The following CEP112 variants were observed in gnomAD, a reference collection of about 807,000 sequenced individuals.
CEP112 encodes centrosomal protein 112.
In CEP112, 127 loss-of-function variants were observed where a neutral mutation model predicts 153.0. The ratio of observed to expected loss-of-function variants is 0.83; its 90% CI spans 0.72 to 0.96. The LOEUF is 0.96. CEP112 is among the 40% of genes least tolerant of loss of function. The probability of loss-of-function intolerance (pLI) is 0.00; values close to 1 mark genes in which losing one functional copy is unlikely to be tolerated. For missense variants in CEP112, 1,089 were observed against 1,101.2 expected (o/e 0.99, Z 0.16); for synonymous variants, 358 against 374.4 (o/e 0.96, Z 0.51).
intron 12 of CEP112, among the ~76,000 whole-genome samples, chr17:66,035,497 G>C (rs2065699747): frequency 1.3e-5 from 2 of 152,110 alleles, no homozygotes; most frequent in Admixed American, 6.5e-5. Context: ...CTGCTGGTGA[G>C]AATGAAAAAT....
chr17:65,979,390 C>T (rs1443374611), intron 17 of CEP112, among the ~76,000 whole-genome samples: 3 of 151,908 alleles, frequency 2.0e-5, no homozygotes, highest in African/African-American at 4.8e-5. Flanking sequence ...CACACCTCTA[C>T]GCGGGTCTAT....
rs553934878 is a variant in CEP112, at chr17:65,983,097, T to C, written c.1737-21499A>G. ...ATGGGAATCCACTGCCTAATAAGTATAGGATTTTATTTGTGATGATGAAAG... is the reference window on the plus strand; with the variant it reads ...ATGGGAATCCACTGCCTAATAAGTACAGGATTTTATTTGTGATGATGAAAG... On this transcript the variant is annotated intron_variant, in intron 17 of 26. Coordinates refer to ENST00000535342, the MANE Select transcript of CEP112 (RefSeq NM_001199165.4). Among the ~76,000 whole-genome samples, 29 of 152,290 alleles carry C rather than the reference T, an allele frequency of 1.9e-4. 1 individual carries two copies. In the South Asian group the frequency reaches 5.6e-3, roughly 29 times the overall value.
chr17:65,737,127 T>G (rs1313340776), intron 23 of CEP112, among the ~76,000 whole-genome samples: 1 of 152,156 alleles, frequency 6.6e-6, no homozygotes, highest in Admixed American at 6.6e-5. Flanking sequence ...CAAGATTAGA[T>G]AGTAGATTGA....
At chr17:65,671,304 G>A (rs1239003993) in intron 24 of CEP112, among the ~76,000 whole-genome samples, 1 of 152,100 alleles carries the variant, frequency 6.6e-6, no homozygotes, top group Non-Finnish European at 1.5e-5. Flanking sequence ...ATCCATAAGG[G>A]GAGAAGTACC....
At chr17:65,741,261 A>AT (rs1254336209) in intron 23 of CEP112, among the ~76,000 whole-genome samples, 1 of 152,096 alleles carries the variant, frequency 6.6e-6, no homozygotes, top group African/African-American at 2.4e-5. Flanking sequence ...TATTCACAGT[A>AT]TTTTTTGTGA....
chr17:65,929,316 C>T (rs556634732), intron 18 of CEP112, among the ~76,000 whole-genome samples: 1 of 152,292 alleles, frequency 6.6e-6, no homozygotes, highest in African/African-American at 2.4e-5. Context: ...TCTCACAGCT[C>T]ATCTCTACTG....
At chr17:65,759,041 T>C (rs2052452783) in intron 21 of CEP112, among the ~76,000 whole-genome samples, 1 of 152,098 alleles carries the variant, frequency 6.6e-6, no homozygotes, top group Admixed American at 6.6e-5. Flanking sequence ...CAAGTTGCAG[T>C]AAAGAAGCCA....
intron 24 of CEP112, among the ~76,000 whole-genome samples, chr17:65,651,184 T>C (rs1048954582): frequency 9.9e-5 from 15 of 152,150 alleles, no homozygotes; most frequent in Non-Finnish European, 1.8e-4. Flanking sequence ...TGAGAACATA[T>C]GGTGTTTAGT....
intron 21 of CEP112, among the ~76,000 whole-genome samples, chr17:65,846,728 C>G (rs1247770082): frequency 2.6e-5 from 4 of 152,178 alleles, no homozygotes; most frequent in Non-Finnish European, 4.4e-5. Context: ...GCCACCACAC[C>G]TGGCTAATTT....
At chr17:65,804,282 G>A (rs1015648323) in intron 21 of CEP112, 2 of 151,856 alleles carry the variant, frequency 1.3e-5, no homozygotes, top group African/African-American at 4.8e-5. Flanking sequence ...AAAATTAGAT[G>A]AGCCGCTCAT....
At chr17:66,058,439 T>A (rs117693363) in intron 11 of CEP112, among the ~76,000 whole-genome samples, 4,339 of 152,190 alleles carry the variant, frequency 0.029, 107 homozygotes, top group South Asian at 0.047. Flanking sequence ...AAAAGCAATC[T>A]ATAGATTCAA....
intron 21 of CEP112, among the ~76,000 whole-genome samples, chr17:65,764,078 G>C (rs1163166313): frequency 6.6e-6 from 1 of 151,972 alleles, no homozygotes; most frequent in Non-Finnish European, 1.5e-5. Flanking sequence ...CAACCAGGAT[G>C]GTTCAAGAAT....
intron 23 of CEP112, among the ~76,000 whole-genome samples, chr17:65,724,901 C>T (rs145331397): frequency 3.3e-5 from 5 of 152,210 alleles, no homozygotes; most frequent in East Asian, 1.9e-4. Context: ...CAAGGCTGCC[C>T]GCTCCCCACT....
At chr17:65,892,790 T>C (rs1051343918) in intron 20 of CEP112, among the ~76,000 whole-genome samples, 2 of 152,170 alleles carry the variant, frequency 1.3e-5, no homozygotes. Flanking sequence ...CCTGTCAATG[T>C]CACTATAACT....
At chr17:66,184,294 C>CA (rs909380602) in intron 1 of CEP112, among the ~76,000 whole-genome samples, 34 of 150,242 alleles carry the variant, frequency 2.3e-4, no homozygotes, top group Admixed American at 4.6e-4. Context: ...TTGAACTTCA[C>CA]AAAAAAAAAC....
chr17:66,102,993 C>T (rs1386614358), intron 6 of CEP112, among the ~76,000 whole-genome samples: 3 of 151,184 alleles, frequency 2.0e-5, no homozygotes, highest in Non-Finnish European at 4.4e-5. Context: ...GGAGGCTGAG[C>T]TGGGCAGATC....
At chr17:66,075,694 G>A (rs545750929) in intron 8 of CEP112, among the ~76,000 whole-genome samples, 1 of 152,298 alleles carries the variant, frequency 6.6e-6, no homozygotes, top group South Asian at 2.1e-4. Context: ...TATGGTGGAT[G>A]AGAGGCATGA....
At chr17:66,053,663 A>G (rs1050422277) in intron 12 of CEP112, 73 bp downstream of exon 12, 9 of 1,465,608 alleles carry the variant, frequency 6.1e-6, no homozygotes, top group Non-Finnish European at 5.6e-6. Context: ...CACTGTGCAC[A>G]TCAGGGAAAC....
chr17:65,827,094 G>A (rs779275270), intron 21 of CEP112, among the ~76,000 whole-genome samples: 11 of 152,236 alleles, frequency 7.2e-5, no homozygotes, highest in Non-Finnish European at 1.0e-4. Context: ...CAGACTCCAA[G>A]TTCTTCAGCT....
Sources: gnomAD v4.1 joint callset for allele counts (sites outside exome capture counted in the v4.1 genomes callset) on GRCh38, gnomAD v4.1.1 for gene constraint, MANE v1.5 for transcripts, NCBI Gene and HGNC (gene_info 2026-07-23, HGNC 2026-07-21) for gene names.